The following FAM107B variants were observed in gnomAD, a reference collection of about 807,000 sequenced individuals.
FAM107B encodes the protein protein FAM107B.
In FAM107B, 21 loss-of-function variants were observed where a neutral mutation model predicts 31.5. The ratio of observed to expected loss-of-function variants is 0.67; its 90% CI spans 0.47 to 0.96. FAM107B has a LOEUF of 0.96. Ranked by LOEUF, FAM107B falls within the 40% of genes least tolerant of loss-of-function variation. FAM107B has a pLI of 0.00. For missense variants in FAM107B, 452 were observed against 377.1 expected (o/e 1.20, Z -1.64); for synonymous variants, 157 against 141.5 (o/e 1.11, Z -0.78).
intron 1 of FAM107B, among the ~76,000 whole-genome samples, chr10:14,733,533 A>T (rs1456092144): frequency 1.3e-5 from 2 of 152,202 alleles, no homozygotes; most frequent in Non-Finnish European, 2.9e-5. Context: ...TCAACCAGGA[A>T]ATTATACTGT....
rs11259311 is a variant in FAM107B, at chr10:14,758,588, C to A, written c.411+15665G>T. Among the ~76,000 whole-genome samples, 1,012 of 152,274 alleles carry A rather than the reference C, an allele frequency of 6.6e-3. 11 individuals are homozygous for A. Among genetic ancestry groups the A allele is most frequent in the African/African-American group, 0.023 (975 of 41,546 alleles). ...CATCCAAGAGCAGCGCAGGGCCTGA[C>A]AGCCTCTGCACTGGGTGGGAGTAGA... On this transcript the variant is annotated intron_variant, in intron 1 of 4. Transcript: ENST00000181796.
intron 1 of FAM107B, among the ~76,000 whole-genome samples, chr10:14,669,743 C>T (rs4748103): frequency 0.76 from 116,301 of 152,110 alleles, 44,678 homozygotes; most frequent in East Asian, 0.93. Flanking sequence ...CTCATGGAAA[C>T]AGAAAGTAGA....
At chr10:14,566,915 G>C (rs890766724) in intron 2 of FAM107B, among the ~76,000 whole-genome samples, 2 of 152,234 alleles carry the variant, frequency 1.3e-5, no homozygotes, top group African/African-American at 4.8e-5. Context: ...ACTTTGGGAG[G>C]CCGAGGCGGG....
chr10:14,592,053 C>G (rs796159019), intron 2 of FAM107B, among the ~76,000 whole-genome samples: 11 of 152,306 alleles, frequency 7.2e-5, no homozygotes, highest in African/African-American at 2.4e-4. Context: ...TAAGAAAAGC[C>G]ATTTCTAAGT....
At chr10:14,567,180 A>C (rs984460847) in intron 2 of FAM107B, among the ~76,000 whole-genome samples, 1 of 152,120 alleles carries the variant, frequency 6.6e-6, no homozygotes, top group African/African-American at 2.4e-5. Flanking sequence ...AAATAAAAAT[A>C]AATAAATTGG....
chr10:14,676,659 T>TTAAAG (rs140100940), intron 1 of FAM107B, among the ~76,000 whole-genome samples: 5,162 of 152,248 alleles, frequency 0.034, 278 homozygotes, highest in African/African-American at 0.12. Context: ...CATTCTATCT[T>TTAAAG]TATTCTATTA....
At chr10:14,732,799 T>C (rs1230611033) in intron 1 of FAM107B, among the ~76,000 whole-genome samples, 1 of 147,510 alleles carries the variant, frequency 6.8e-6, no homozygotes, top group African/African-American at 2.5e-5. Context: ...CATTATAGAA[T>C]ACATTATAAT....
At chr10:14,675,086 A>G (rs1480671233) in intron 1 of FAM107B, among the ~76,000 whole-genome samples, 1 of 152,086 alleles carries the variant, frequency 6.6e-6, no homozygotes, top group African/African-American at 2.4e-5. Context: ...TTGCATGCCC[A>G]TATTAAACTG....
At chr10:14,757,338 G>A (rs1832950711) in intron 1 of FAM107B, among the ~76,000 whole-genome samples, 2 of 149,846 alleles carry the variant, frequency 1.3e-5, no homozygotes, top group Non-Finnish European at 3.0e-5. Context: ...AAAAAAGACT[G>A]CAGTGTCCAA....
chr10:14,744,743 T>C (rs1364769161), intron 1 of FAM107B, among the ~76,000 whole-genome samples: 1 of 152,178 alleles, frequency 6.6e-6, no homozygotes, highest in Non-Finnish European at 1.5e-5. Flanking sequence ...CTGGATTTGG[T>C]TTGCCAGTAT....
At chr10:14,767,115 G>A (rs1833198156) in intron 1 of FAM107B, among the ~76,000 whole-genome samples, 1 of 135,910 alleles carries the variant, frequency 7.4e-6, no homozygotes, top group Non-Finnish European at 1.6e-5. Context: ...GAGAGAGAGA[G>A]AGAGAGTTTC....
intron 2 of FAM107B, among the ~76,000 whole-genome samples, chr10:14,632,393 T>C (rs1387840000): frequency 2.7e-5 from 4 of 147,004 alleles, no homozygotes; most frequent in South Asian, 2.1e-4. Flanking sequence ...GGGCAGATCA[T>C]GAGGTCAGGA....
At chr10:14,572,739 T>TTA (rs61477094) in intron 2 of FAM107B, among the ~76,000 whole-genome samples, 5,424 of 91,908 alleles carry the variant, frequency 0.059, 368 homozygotes, top group East Asian at 0.14. Context: ...AAAAAAAAAT[T>TTA]TATATATATA....
chr10:14,649,625 G>T (rs562210254), intron 2 of FAM107B, among the ~76,000 whole-genome samples: 1 of 152,232 alleles, frequency 6.6e-6, no homozygotes, highest in African/African-American at 2.4e-5. Context: ...ATCCACCTGT[G>T]ACCTGGACAC....
At chr10:14,770,645 CATT>C (rs377542768) in intron 1 of FAM107B, among the ~76,000 whole-genome samples, 17 of 152,254 alleles carry the variant, frequency 1.1e-4, no homozygotes, top group African/African-American at 3.9e-4. Context: ...GAAAAGTTAT[CATT>C]AAGAGGTACT....
At chr10:14,556,464 A>G (rs1849707972) in intron 2 of FAM107B, 1 of 966,404 alleles carries the variant, frequency 1.0e-6, no homozygotes. Context: ...CCAGGCCACA[A>G]TATTCATATT....
intron 1 of FAM107B, among the ~76,000 whole-genome samples, chr10:14,753,159 C>T (rs972696493): frequency 9.9e-5 from 15 of 152,210 alleles, no homozygotes; most frequent in African/African-American, 3.4e-4. Flanking sequence ...TAGACACACA[C>T]AGACACAAAC....
chr10:14,663,618 A>G (rs1484190416), intron 2 of FAM107B: 1 of 152,232 alleles, frequency 6.6e-6, no homozygotes, highest in African/African-American at 2.4e-5. Context: ...TAATGTATCC[A>G]TGAAGCTAGT....
At chr10:14,680,014 C>T (rs1349851404) in intron 1 of FAM107B, among the ~76,000 whole-genome samples, 1 of 152,126 alleles carries the variant, frequency 6.6e-6, no homozygotes, top group African/African-American at 2.4e-5. Flanking sequence ...AACTTGTGAT[C>T]GTGTGAGTCA....
Sources: allele counts gnomAD v4.1 joint callset (sites outside exome capture counted in the v4.1 genomes callset), GRCh38; gene constraint gnomAD v4.1.1; transcripts MANE v1.5; gene names NCBI Gene and HGNC (gene_info 2026-07-23, HGNC 2026-07-21).